The following AGAP1 variants were observed in gnomAD, a reference collection of about 807,000 sequenced individuals.
The protein encoded by AGAP1 is arf-GAP with GTPase, ANK repeat and PH domain-containing protein 1.
Under a neutral mutation model 105.3 loss-of-function variants are expected in AGAP1, and 29 were observed. The ratio of observed to expected loss-of-function variants is 0.28; its 90% CI spans 0.21 to 0.38. The LOEUF is 0.38. Ranked by LOEUF, AGAP1 falls within the 10% of genes least tolerant of loss-of-function variation. The pLI is 1.00. For missense variants in AGAP1, 998 were observed against 1,165.1 expected, an observed-to-expected ratio of 0.86 and a Z score of 2.09; for synonymous variants, 509 against 485.9, an observed-to-expected ratio of 1.05 and a Z score of -0.63.
chr2:235,985,360 G>C (rs1369972529), intron 13 of AGAP1, among the ~76,000 whole-genome samples: 1 of 152,206 alleles, frequency 6.6e-6, no homozygotes, highest in Admixed American at 6.5e-5. Flanking sequence ...CCCTTTGTCA[G>C]ATGGATAGAC....
intron 11 of AGAP1, among the ~76,000 whole-genome samples, chr2:235,920,066 C>G (rs1319969045): frequency 6.6e-6 from 1 of 152,176 alleles, no homozygotes; most frequent in Non-Finnish European, 1.5e-5. Context: ...GACGAACCGT[C>G]TAATTCTAGG....
chr2:235,531,946 G>A (rs1943059733), intron 1 of AGAP1, among the ~76,000 whole-genome samples: 1 of 152,152 alleles, frequency 6.6e-6, no homozygotes, highest in Non-Finnish European at 1.5e-5. Context: ...TGGGACTCCA[G>A]CCCTGTGAAG....
In AGAP1 at chr2:235,631,008, G is replaced by T. The variant is rs1401714497; in HGVS notation, c.164-78171G>T. On this transcript the variant is annotated intron_variant, in intron 1 of 17. Transcript: ENST00000304032. This position sits in a 1 kb window ranked among gnomAD's most constrained non-coding sequence, Gnocchi z 5.4. ...ATTGTGAACACATTCTCTGGTAACT[G>T]TGAATCGTGTCGTAAAACGCGTCTT... Among the ~76,000 whole-genome samples the T allele has an allele frequency of 6.6e-6, 1 of 152,192 alleles. No homozygotes were observed. Among genetic ancestry groups the T allele is most frequent in the Non-Finnish European group, 1.5e-5 (1 of 68,048 alleles).
intron 1 of AGAP1, among the ~76,000 whole-genome samples, chr2:235,606,200 G>A (rs1392082375): frequency 6.6e-6 from 1 of 152,266 alleles, no homozygotes; most frequent in East Asian, 1.9e-4. Context: ...GGTCACCCTT[G>A]GCATTGCTTC....
rs1006567749 is a variant in AGAP1 at position 236,104,346 on chromosome 2, G to T, written c.2115-15846G>T. On this transcript the variant is annotated intron_variant, in intron 16 of 17. Transcript: ENST00000304032. This position sits in a 1 kb window ranked among gnomAD's most constrained non-coding sequence, Gnocchi z 4.7. ...TCCCCAGTGCCCTCTGACTGCACGG[G>T]GCTGAGAAGTCCCCCAGCGGTGCTC... 6.6e-6 allele frequency among the ~76,000 whole-genome samples: 1 copy of T among 152,232 alleles called. No homozygotes were observed. Among genetic ancestry groups the T allele is most frequent in the African/African-American group, 2.4e-5 (1 of 41,468 alleles).
chr2:236,010,244 G>A (rs1278484271), intron 13 of AGAP1, among the ~76,000 whole-genome samples: 2 of 152,192 alleles, frequency 1.3e-5, no homozygotes, highest in African/African-American at 2.4e-5. Context: ...AGGGAGAGGT[G>A]TAATAATTGG....
In AGAP1 at chr2:235,800,761, C is replaced by T. The variant is rs149355679; in HGVS notation, c.957+1239C>T. Among the ~76,000 whole-genome samples, 593 of 152,306 alleles carry T rather than the reference C, an allele frequency of 3.9e-3. 2 individuals carry two copies. Among genetic ancestry groups the T allele is most frequent in the Non-Finnish European group, 6.2e-3 (423 of 68,030 alleles). ...AGTGGGAAGGTAAAGGTTCTGCAGA[C>T]GTCTAGTCGTGGGTAGCAACCAGGG... On this transcript the variant is annotated intron_variant, in intron 8 of 17. Transcript: ENST00000304032.
At chr2:235,941,854 G>GT (rs1553685078) in intron 12 of AGAP1, among the ~76,000 whole-genome samples, 38 of 140,100 alleles carry the variant, frequency 2.7e-4, no homozygotes, top group South Asian at 7.9e-4. Context: ...GTTGTTGGGG[G>GT]GGTAAGAAGG....
intron 1 of AGAP1, among the ~76,000 whole-genome samples, chr2:235,695,862 A>G (rs746008444): frequency 2.6e-5 from 4 of 152,178 alleles, no homozygotes; most frequent in Non-Finnish European, 4.4e-5. Context: ...ATCAGACAGC[A>G]TTGTTGCAGG....
At chr2:235,924,763 A>G (rs1459782407) in intron 11 of AGAP1, among the ~76,000 whole-genome samples, 1 of 152,200 alleles carries the variant, frequency 6.6e-6, no homozygotes, top group Non-Finnish European at 1.5e-5. Context: ...CATGTGTTTA[A>G]TAAGAGCACG....
intron 1 of AGAP1, among the ~76,000 whole-genome samples, chr2:235,706,079 T>C (rs1329397811): frequency 6.6e-6 from 1 of 152,190 alleles, no homozygotes; most frequent in Non-Finnish European, 1.5e-5. Flanking sequence ...AAGGTAACAA[T>C]GAAAGGAAAA....
In AGAP1 at chr2:235,992,379, T is replaced by A. The variant is rs902030862; in HGVS notation, c.1645+23756T>A. ...AGGTTGTCTACCTCCAAGACTGTTG[T>A]CAGGATTCACTCAATGAACTCCTGT... On this transcript the variant is annotated intron_variant, in intron 13 of 17. Transcript: ENST00000304032. This position sits in a 1 kb window ranked among gnomAD's most constrained non-coding sequence, Gnocchi z 4.8. Among the ~76,000 whole-genome samples the A allele has an allele frequency of 3.3e-5, 5 of 152,186 alleles. No individual in the cohort carries two copies. Among genetic ancestry groups the A allele is most frequent in the African/African-American group, 1.2e-4 (5 of 41,460 alleles).
At position 236,046,910 on chromosome 2, in the gene AGAP1, A is replaced by T. The variant is rs1253370809; in HGVS notation, c.1892-2149A>T. 6.6e-6 allele frequency among the ~76,000 whole-genome samples: 1 copy of T among 152,186 alleles called. No homozygotes were observed. The highest frequency in any genetic ancestry group is 1.5e-5 in the Non-Finnish European group (1 of 68,038). On this transcript the variant is annotated intron_variant, in intron 15 of 17. Transcript: ENST00000304032. The surrounding 1 kb of genome is among the most constrained non-coding windows in gnomAD (Gnocchi z 5.2). ...CACTTTGGGAGGCCCAGGCAGGAGGATTGCTTGAGCCCAGTGGTTGAAGCC... is the reference window on the plus strand; with the variant it reads ...CACTTTGGGAGGCCCAGGCAGGAGGTTTGCTTGAGCCCAGTGGTTGAAGCC...
In AGAP1 at chr2:235,720,471, G is replaced by A. The variant is rs1280149328; in HGVS notation, c.310+2827G>A. Among the ~76,000 whole-genome samples the A allele has an allele frequency of 6.6e-6, 1 of 152,144 alleles. No homozygotes were observed. Among genetic ancestry groups the A allele is most frequent in the Non-Finnish European group, 1.5e-5 (1 of 68,030 alleles). ...CAAAGGTGAGGGCACTCCCACAGTG[G>A]TGGGAGTGGTTGGCGCCCGGTTGAG... On this transcript the variant is annotated intron_variant, in intron 3 of 17. Coordinates refer to ENST00000304032, the MANE Select transcript of AGAP1 (RefSeq NM_001037131.3). The surrounding 1 kb of genome is among the most constrained non-coding windows in gnomAD (Gnocchi z 5.0).
chr2:236,005,034 A>C lies in AGAP1; in HGVS notation c.1646-31527A>C, dbSNP rs2125534908. On this transcript the variant is annotated intron_variant, in intron 13 of 17. Coordinates refer to ENST00000304032, the MANE Select transcript of AGAP1 (RefSeq NM_001037131.3). This position sits in a 1 kb window ranked among gnomAD's most constrained non-coding sequence, Gnocchi z 4.1. Reference sequence around the variant, plus strand: ...ATTTGATAGACTTTGTTTTCTAGGAAAGCTTTAGACTTTTAGAAAAATTGA... The same window carrying C: ...ATTTGATAGACTTTGTTTTCTAGGACAGCTTTAGACTTTTAGAAAAATTGA... 6.6e-6 allele frequency among the ~76,000 whole-genome samples: 1 copy of C among 152,314 alleles called. No individual in the cohort carries two copies. The highest frequency in any genetic ancestry group is 2.1e-4 in the South Asian group (1 of 4,826).
At chr2:235,562,534 G>A (rs879715506) in intron 1 of AGAP1, among the ~76,000 whole-genome samples, 4 of 151,168 alleles carry the variant, frequency 2.6e-5, no homozygotes, top group Admixed American at 2.6e-4. Flanking sequence ...CAGCAGTCCG[G>A]CTTCTCTCCT....
At position 235,700,670 on chromosome 2, in the gene AGAP1, C is replaced by T. The variant is rs1314552853; in HGVS notation, c.164-8509C>T. On this transcript the variant is annotated intron_variant, in intron 1 of 17. Coordinates refer to ENST00000304032, the MANE Select transcript of AGAP1 (RefSeq NM_001037131.3). This position sits in a 1 kb window ranked among gnomAD's most constrained non-coding sequence, Gnocchi z 6.1. Reference sequence around the variant, plus strand: ...CAAAAATTAGCCAGGCATGGTAGCGCGTGCCTGTAGTCCCAGCTACTCAAG... The same window carrying T: ...CAAAAATTAGCCAGGCATGGTAGCGTGTGCCTGTAGTCCCAGCTACTCAAG... Among the ~76,000 whole-genome samples the T allele has an allele frequency of 2.0e-5, 3 of 151,868 alleles. No individual in the cohort carries two copies. The highest frequency in any genetic ancestry group is 4.8e-5 in the African/African-American group (2 of 41,352).
intron 16 of AGAP1, among the ~76,000 whole-genome samples, chr2:236,085,215 C>G (rs1046921372): frequency 3.4e-5 from 2 of 58,412 alleles, no homozygotes; most frequent in Non-Finnish European, 6.8e-5. Context: ...GACTCCGTCT[C>G]AAAAAAAAAA....
At chr2:236,029,201 C>G (rs747926659) in intron 13 of AGAP1, among the ~76,000 whole-genome samples, 7 of 145,994 alleles carry the variant, frequency 4.8e-5, no homozygotes, top group Non-Finnish European at 7.5e-5. Flanking sequence ...TTTTTGTTTA[C>G]ATATTTATCA....
Sources: gnomAD v4.1 joint callset for allele counts (sites outside exome capture counted in the v4.1 genomes callset) on GRCh38, gnomAD v4.1.1 for gene constraint, Gnocchi (gnomAD v3.1) non-coding constraint, MANE v1.5 for transcripts, NCBI Gene and HGNC (gene_info 2026-07-23, HGNC 2026-07-21) for gene names.